FSTL5: variants seen among roughly 807,000 people sequenced by gnomAD.
FSTL5 encodes follistatin-related protein 5.
A neutral mutation model predicts 89.1 loss-of-function variants in FSTL5; 62 were observed. That is an observed-to-expected ratio of 0.70 (90% CI 0.57 to 0.86). The LOEUF (loss-of-function observed/expected upper bound fraction) is 0.86. Among genes scored for constraint, FSTL5 ranks in the 40% least tolerant of loss-of-function variants. FSTL5 has a pLI of 0.00. For missense variants in FSTL5, 1,057 were observed against 1,001.6 expected (o/e 1.06, Z -0.75); for synonymous variants, 383 against 346.2 (o/e 1.11, Z -1.18).
At chr4:161,502,899 A>G (rs1190880113) in intron 11 of FSTL5, among the ~76,000 whole-genome samples, 1 of 151,850 alleles carries the variant, frequency 6.6e-6, no homozygotes, top group Non-Finnish European at 1.5e-5. Flanking sequence ...CATTGGGGAC[A>G]TTCATTAGCT....
intron 8 of FSTL5, among the ~76,000 whole-genome samples, chr4:161,581,763 A>C (rs972920727): frequency 6.6e-6 from 1 of 152,236 alleles, no homozygotes; most frequent in African/African-American, 2.4e-5. Flanking sequence ...TTCAGTAGAA[A>C]ACACATCCGC....
At chr4:161,439,079 A>G (rs1578975213) in intron 15 of FSTL5, among the ~76,000 whole-genome samples, 1 of 152,292 alleles carries the variant, frequency 6.6e-6, no homozygotes, top group East Asian at 1.9e-4. Flanking sequence ...ATATCAGAAC[A>G]TAGTAACTAC....
chr4:161,945,535 C>T (rs1204212813), intron 3 of FSTL5, among the ~76,000 whole-genome samples: 1 of 152,108 alleles, frequency 6.6e-6, no homozygotes, highest in Non-Finnish European at 1.5e-5. Flanking sequence ...AGTTGGATCA[C>T]GAGGTCAGGA....
chr4:161,990,576 C>T (rs77148466), intron 3 of FSTL5, among the ~76,000 whole-genome samples: 8,380 of 151,852 alleles, frequency 0.055, 267 homozygotes, highest in Non-Finnish European at 0.077. Flanking sequence ...ACATAAATTA[C>T]GTTACCATTA....
At chr4:162,055,525 T>TGATA (rs67961016) in intron 2 of FSTL5, among the ~76,000 whole-genome samples, 22,305 of 148,546 alleles carry the variant, frequency 0.15, 1,757 homozygotes, top group East Asian at 0.23. Flanking sequence ...AGATAGAGGA[T>TGATA]GATAGATAGA....
chr4:161,497,814 T>A (rs1325242552), intron 12 of FSTL5, among the ~76,000 whole-genome samples: 2 of 151,982 alleles, frequency 1.3e-5, no homozygotes, highest in Middle Eastern at 3.2e-3. Context: ...TTGTCGCCGT[T>A]GGTGTATGTT....
chr4:161,540,553 C>T (rs756655314), intron 9 of FSTL5, among the ~76,000 whole-genome samples: 50 of 152,022 alleles, frequency 3.3e-4, no homozygotes, highest in Non-Finnish European at 6.6e-4. Flanking sequence ...GCAAATCTCC[C>T]CTTATTTCTT....
chr4:162,140,368 G>A (rs1732679928), intron 1 of FSTL5, among the ~76,000 whole-genome samples: 1 of 141,364 alleles, frequency 7.1e-6, no homozygotes, highest in Non-Finnish European at 1.6e-5. Context: ...AACAACCCAA[G>A]AGCCCATCAC....
rs1287530579 is a variant in FSTL5, at chr4:161,785,564, A to G, written c.410-9490T>C. 2.0e-5 allele frequency among the ~76,000 whole-genome samples: 3 copies of G among 152,224 alleles called. 1 individual carries two copies. The highest frequency in any genetic ancestry group is 1.5e-5 in the Non-Finnish European group (1 of 68,030). On this transcript the variant is annotated intron_variant, in intron 4 of 15. Coordinates refer to ENST00000306100, the MANE Select transcript of FSTL5 (RefSeq NM_020116.5). ...GTAAATCAAATGATGATACAATTAC[A>G]AGGCAAGTTTGATAAACGACAGTCA...
At chr4:162,097,034 G>A (rs1730789682) in intron 2 of FSTL5, among the ~76,000 whole-genome samples, 2 of 151,840 alleles carry the variant, frequency 1.3e-5, no homozygotes, top group South Asian at 4.1e-4. Flanking sequence ...TAAAGCAAGA[G>A]ATACTTTCTC....
At chr4:161,504,003 G>T (rs1368562827) in intron 11 of FSTL5, among the ~76,000 whole-genome samples, 2 of 151,782 alleles carry the variant, frequency 1.3e-5, no homozygotes, top group Non-Finnish European at 1.5e-5. Flanking sequence ...AATGTTACGT[G>T]GGATATCACA....
chr4:162,152,532 A>G (rs570121886), intron 1 of FSTL5, among the ~76,000 whole-genome samples: 1 of 152,082 alleles, frequency 6.6e-6, no homozygotes, highest in Non-Finnish European at 1.5e-5. Flanking sequence ...ATGATGTCAC[A>G]CTATTTGAAT....
At chr4:161,427,445 A>T (rs1732205287) in intron 15 of FSTL5, among the ~76,000 whole-genome samples, 1 of 152,222 alleles carries the variant, frequency 6.6e-6, no homozygotes, top group South Asian at 2.1e-4. Flanking sequence ...GATTCACTGC[A>T]TAAGGATTTT....
At chr4:162,076,889 A>G (rs1177773653) in intron 2 of FSTL5, among the ~76,000 whole-genome samples, 1 of 151,812 alleles carries the variant, frequency 6.6e-6, no homozygotes, top group Non-Finnish European at 1.5e-5. Flanking sequence ...AATTAAATTT[A>G]TAACTTTGGT....
chr4:162,066,897 G>A (rs1738937921), intron 2 of FSTL5, among the ~76,000 whole-genome samples: 2 of 151,940 alleles, frequency 1.3e-5, no homozygotes, highest in Non-Finnish European at 2.9e-5. Flanking sequence ...AAACATACAT[G>A]TGCATGTGTC....
chr4:161,826,077 G>T (rs972881490), intron 4 of FSTL5, among the ~76,000 whole-genome samples: 10 of 152,008 alleles, frequency 6.6e-5, no homozygotes, highest in Admixed American at 6.5e-4. Flanking sequence ...GATAGGCTGT[G>T]TCACTATTAT....
intron 7 of FSTL5, among the ~76,000 whole-genome samples, chr4:161,591,650 T>C (rs1444499918): frequency 6.6e-6 from 1 of 152,160 alleles, no homozygotes; most frequent in African/African-American, 2.4e-5. Context: ...AGAAACACTC[T>C]TGCATTCTAA....
At chr4:162,038,338 T>C (rs1368213605) in intron 2 of FSTL5, among the ~76,000 whole-genome samples, 3 of 151,832 alleles carry the variant, frequency 2.0e-5, no homozygotes, top group African/African-American at 7.3e-5. Flanking sequence ...GTAAGATGGC[T>C]AAAAGCTTTA....
chr4:162,132,981 C>T (rs1732365834), intron 1 of FSTL5, among the ~76,000 whole-genome samples: 1 of 152,038 alleles, frequency 6.6e-6, no homozygotes, highest in African/African-American at 2.4e-5. Context: ...CTCGCTCTGT[C>T]GCCCAGGCTG....
Sources: allele counts gnomAD v4.1 joint callset (sites outside exome capture counted in the v4.1 genomes callset), GRCh38; gene constraint gnomAD v4.1.1; transcripts MANE v1.5; gene names NCBI Gene and HGNC (gene_info 2026-07-23, HGNC 2026-07-21).